The following PTPN1 variants were observed in gnomAD, a reference collection of about 807,000 sequenced individuals.
PTPN1 encodes the protein protein tyrosine phosphatase non-receptor type 1, also known as tyrosine-protein phosphatase non-receptor type 1.
In PTPN1, 12 loss-of-function variants were observed where a neutral mutation model predicts 59.9. That is an observed-to-expected ratio of 0.20 (90% CI 0.13 to 0.32). The LOEUF is 0.32. Ranked by LOEUF, PTPN1 falls within the 10% of genes least tolerant of loss-of-function variation. The pLI, the probability that PTPN1 is intolerant of heterozygous loss-of-function variation, is 1.00. For synonymous variants in PTPN1, 178 were observed against 203.6 expected (o/e 0.87, Z 1.07); for missense variants, 356 against 549.2 (o/e 0.65, Z 3.52).
chr20:50,578,540 A>T lies in PTPN1; in HGVS notation c.613A>T (p.Ser205Cys). 6.2e-7 allele frequency: 1 copy of T among 1,614,240 alleles called. No individual in the cohort carries two copies. Among genetic ancestry groups the T allele is most frequent in the Non-Finnish European group, 8.5e-7 (1 of 1,180,052 alleles). ...LFKVRESGSL[S>C]PEHGPVVVHC... ...CAAAGTCCGAGAGTCAGGGTCACTC[A>T]GCCCGGAGCACGGGCCCGTTGTGGT... is the stretch of plus-strand genomic sequence containing the variant. The change falls in exon 6 of 10, where the codon AGC becomes TGC. Residue 205 changes from serine (S) to cysteine (C), a missense_variant. Physicochemically the swap from Ser to Cys is moderately radical, Grantham distance 112 (BLOSUM62 -1). Transcript: ENST00000371621.
intron 4 of PTPN1, chr20:50,572,364 T>C (rs2082814626): frequency 6.6e-6 from 1 of 152,236 alleles, no homozygotes; most frequent in Admixed American, 6.5e-5. Flanking sequence ...AAAATTTCTA[T>C]TGGAAATGAC....
chr20:50,553,640 A>G (rs1275828815), intron 1 of PTPN1, among the ~76,000 whole-genome samples: 1 of 152,230 alleles, frequency 6.6e-6, no homozygotes, highest in South Asian at 2.1e-4. Context: ...AATAATAATA[A>G]GTAAACAATG....
At chr20:50,570,253 A>C (rs1411494361) in intron 4 of PTPN1, among the ~76,000 whole-genome samples, 1 of 152,150 alleles carries the variant, frequency 6.6e-6, no homozygotes, top group Non-Finnish European at 1.5e-5. Flanking sequence ...ACTCGCAGAA[A>C]GTCTTCCTCT....
intron 4 of PTPN1, 188 bp from the exon 5 acceptor site, chr20:50,574,329 G>A (rs529285292): frequency 1.2e-5 from 7 of 566,994 alleles, no homozygotes; most frequent in African/African-American, 2.0e-5. Context: ...AACCTGCCCC[G>A]GTCAGCAGCT....
At chr20:50,532,979 C>G (rs1354313002) in intron 1 of PTPN1, among the ~76,000 whole-genome samples, 1 of 151,260 alleles carries the variant, frequency 6.6e-6, no homozygotes, top group Admixed American at 6.6e-5. Context: ...CTTTTGTTTT[C>G]TCCTGGGGTC....
At chr20:50,564,900 G>T in intron 2 of PTPN1, 69 bp from the exon 3 acceptor site, 1 of 1,589,168 alleles carries the variant, frequency 6.3e-7, no homozygotes, top group South Asian at 1.2e-5. Context: ...CTTTTCTGTA[G>T]GGTGTGCACC....
chr20:50,513,104 T>C (rs910405364), intron 1 of PTPN1, among the ~76,000 whole-genome samples: 2 of 152,186 alleles, frequency 1.3e-5, no homozygotes, highest in African/African-American at 4.8e-5. Flanking sequence ...TGCTGAGGAA[T>C]GTGGCAGCTT....
chr20:50,565,211 A>C (rs2082773284), intron 3 of PTPN1, 142 bp downstream of exon 3: 3 of 819,264 alleles, frequency 3.7e-6, no homozygotes, highest in Non-Finnish European at 5.5e-6. Flanking sequence ...AAGGGGGAAA[A>C]ATCATCCTTC....
intron 4 of PTPN1, 83 bp from the exon 5 acceptor site, chr20:50,574,434 G>C (rs1292293654): frequency 4.4e-6 from 6 of 1,367,996 alleles, no homozygotes; most frequent in Middle Eastern, 2.5e-4. Context: ...TTATCATGAA[G>C]CTTGTGGGAT....
At chr20:50,552,460 A>G (rs888232677) in intron 1 of PTPN1, among the ~76,000 whole-genome samples, 9 of 152,170 alleles carry the variant, frequency 5.9e-5, no homozygotes, top group African/African-American at 1.9e-4. Context: ...TCCTGACTGT[A>G]TCCTTCCTTA....
intron 1 of PTPN1, among the ~76,000 whole-genome samples, chr20:50,537,820 A>G (rs1285834333): frequency 1.1e-4 from 16 of 152,236 alleles, no homozygotes; most frequent in Admixed American, 7.8e-4. Flanking sequence ...TAACCAACAG[A>G]GAACCATTGA....
At chr20:50,556,618 T>TA (rs1227243123) in intron 1 of PTPN1, among the ~76,000 whole-genome samples, 2 of 152,206 alleles carry the variant, frequency 1.3e-5, no homozygotes, top group African/African-American at 4.8e-5. Flanking sequence ...AATATGCACA[T>TA]GACTCAAGGA....
chr20:50,543,775 AC>A (rs2082662782), intron 1 of PTPN1, among the ~76,000 whole-genome samples: 1 of 152,228 alleles, frequency 6.6e-6, no homozygotes, highest in Non-Finnish European at 1.5e-5. Flanking sequence ...AAGACTTTCT[AC>A]TTTTAGAAGC....
At chr20:50,580,400 T>C (rs995643644) in intron 8 of PTPN1, among the ~76,000 whole-genome samples, 5 of 152,196 alleles carry the variant, frequency 3.3e-5, no homozygotes, top group African/African-American at 7.2e-5. Flanking sequence ...CCTATTGATA[T>C]GTGTGGTGTA....
chr20:50,523,332 A>G (rs929426042), intron 1 of PTPN1, among the ~76,000 whole-genome samples: 2 of 152,106 alleles, frequency 1.3e-5, no homozygotes, highest in Non-Finnish European at 2.9e-5. Context: ...TAAATATAGA[A>G]CATTCGGAGA....
Position 50,510,643 on chromosome 20 carries a change from T to C in PTPN1, c.63+53T>C. The C allele has an allele frequency of 2.6e-6, 4 of 1,531,518 alleles. No individual in the cohort carries two copies. The Admixed American group carries it at 6.0e-5, about 23-fold the overall frequency. The allele number at this position is 1,531,518 out of a possible 1,614,324, so 94.9% of individuals were successfully genotyped here. A position where few individuals can be genotyped will look rare whatever the true frequency, so the allele number is the denominator to read the frequency against. ...GCCCTTCGCTTAGGCCGCTTGAACA[T>C]CCCCTCAGACCTCCAGGCCCCAGAC... is the stretch of plus-strand genomic sequence containing the variant. On this transcript the variant is annotated intron_variant, in intron 1 of 9. Transcript: ENST00000371621.
intron 1 of PTPN1, among the ~76,000 whole-genome samples, chr20:50,542,094 C>G (rs114706904): frequency 6.6e-6 from 1 of 152,184 alleles, no homozygotes; most frequent in African/African-American, 2.4e-5. Flanking sequence ...CTTGGCATAA[C>G]TTGAAATGCA....
In PTPN1 at chr20:50,544,170, T is replaced by A. The variant is rs185293932; in HGVS notation, c.64-17193T>A. ...AAATTGTTTCAGTATTAATTTTTTT[T>A]AAAACAAGATCTTACTGTTGCCCAG... is the stretch of plus-strand genomic sequence containing the variant. On this transcript the variant is annotated intron_variant, in intron 1 of 9. Coordinates refer to ENST00000371621, the MANE Select transcript of PTPN1 (RefSeq NM_002827.4). 7.2e-3 allele frequency among the ~76,000 whole-genome samples: 1,090 copies of A among 152,026 alleles called. 9 individuals carry two copies. The highest frequency in any genetic ancestry group is 0.025 in the African/African-American group (1,044 of 41,436).
At chr20:50,520,371 C>CAAAA (rs11474492) in intron 1 of PTPN1, among the ~76,000 whole-genome samples, 22 of 131,442 alleles carry the variant, frequency 1.7e-4, no homozygotes, top group African/African-American at 4.4e-4. Flanking sequence ...AACTCTGTCT[C>CAAAA]AAAAAAAAAA....
Sources: gnomAD v4.1 joint callset for allele counts (sites outside exome capture counted in the v4.1 genomes callset) on GRCh38, gnomAD v4.1.1 for gene constraint, MANE v1.5 for transcripts, NCBI Gene and HGNC (gene_info 2026-07-23, HGNC 2026-07-21) for gene names.